NYX: variants seen among roughly 807,000 people sequenced by gnomAD.
NYX encodes nyctalopin.
For missense variants in NYX, 481 were observed against 485.4 expected (o/e 0.99, Z 0.09); for synonymous variants, 258 against 245.7 (o/e 1.05, Z -0.47).
chrX:41,470,313 C>T (rs2807168), intron 2 of NYX, among the ~76,000 whole-genome samples: 32,031 of 110,061 alleles, frequency 0.29, 3,749 homozygotes, highest in East Asian at 0.44. Flanking sequence ...CATTAAAAAA[C>T]GTAAAAAGAA....
At chrX:41,472,464 C>T in intron 2 of NYX, 1 of 904,585 alleles carries the variant, frequency 1.1e-6, no homozygotes, top group Non-Finnish European at 1.6e-6. Context: ...AGGTAACGAT[C>T]CCGAAGGGCG....
chrX:41,473,437 T>C (rs2064370381), intron 2 of NYX, 54 bp from the exon 3 acceptor site: 2 of 934,671 alleles, frequency 2.1e-6, no homozygotes, highest in African/African-American at 4.2e-5. Context: ...TGACGGTTGC[T>C]CCTTTTTTCT....
intron 2 of NYX, among the ~76,000 whole-genome samples, chrX:41,458,735 G>A: frequency 9.5e-6 from 1 of 105,045 alleles, no homozygotes; most frequent in East Asian, 3.1e-4. Context: ...CCAAAGTGCT[G>A]GGATTACAGG....
chrX:41,473,295 G>A (rs2064369378), intron 2 of NYX, among the ~76,000 whole-genome samples, 196 bp from the exon 3 acceptor site: 1 of 110,891 alleles, frequency 9.0e-6, no homozygotes, highest in African/African-American at 3.3e-5. Context: ...AGGAGCGGGT[G>A]TCTTAGGTGG....
intron 2 of NYX, chrX:41,472,636 G>A: frequency 6.5e-6 from 3 of 463,291 alleles, no homozygotes; most frequent in Non-Finnish European, 1.1e-5. Flanking sequence ...GCACAGGAAA[G>A]GTCACTGGAG....
At chrX:41,473,080 G>A (rs1405987614) in intron 2 of NYX, among the ~76,000 whole-genome samples, 1 of 112,165 alleles carries the variant, frequency 8.9e-6, no homozygotes, top group Non-Finnish European at 1.9e-5. Flanking sequence ...TTACAGGCGT[G>A]AGCCACTGCG....
chrX:41,455,627 T>C (rs1198178845), intron 2 of NYX, among the ~76,000 whole-genome samples: 1 of 110,291 alleles, frequency 9.1e-6, no homozygotes. Flanking sequence ...TTATTTCTCA[T>C]CTTCCCCTCC....
rs758241490 is a variant in NYX, at chrX:41,474,499, A to T, written c.1031A>T (p.Asp344Val). 13 of 1,206,291 alleles carry T rather than the reference A, an allele frequency of 1.1e-5. No homozygotes were observed. The African/African-American group carries it at 1.9e-4, about 18-fold the overall frequency. ...GACTGCCGTCTGGAGTGGCTGAGGGACTGGATGGAGGGCTCCGGACGTGTC... is the reference window on the plus strand; with the variant it reads ...GACTGCCGTCTGGAGTGGCTGAGGGTCTGGATGGAGGGCTCCGGACGTGTC... Reference protein sequence around the residue: ...CCDCRLEWLRDWMEGSGRVTD... With the variant: ...CCDCRLEWLRVWMEGSGRVTD... Residue 344 changes from aspartate to valine, a missense_variant, in exon 3 of 3, where the codon GAC becomes GTC. Transcript: ENST00000378220.
chrX:41,454,503 G>A (rs2064292562), intron 2 of NYX, among the ~76,000 whole-genome samples: 1 of 110,714 alleles, frequency 9.0e-6, no homozygotes, highest in Non-Finnish European at 1.9e-5. Context: ...CAGTAGAGAC[G>A]GGGTTCACCA....
In NYX at chrX:41,473,851, C is replaced by A. The variant is rs1209590371; in HGVS notation, c.383C>A (p.Ala128Glu). 1 of 1,101,819 alleles carries A rather than the reference C, an allele frequency of 9.1e-7. No homozygotes were observed. The highest frequency in any genetic ancestry group is 2.1e-5 in the South Asian group (1 of 46,667). The allele number at this position is 1,101,819 out of a possible 1,213,427, so 90.8% of individuals were successfully genotyped here. Residue 128 changes from alanine (A) to glutamate (E), a missense_variant, in exon 3 of 3, where the codon GCG becomes GAG. By Grantham distance (107) the Ala-to-Glu change is moderately radical. Transcript: ENST00000378220. ...TACCTGCACGCGCGCACCTTCGCGGCGCTCAGCCGCCTGCGCCGCCTAGAC... is the reference window on the plus strand; with the variant it reads ...TACCTGCACGCGCGCACCTTCGCGGAGCTCAGCCGCCTGCGCCGCCTAGAC... ...LRYLHARTFA[A>E]LSRLRRLDLA...
Position 41,472,589 on chromosome X carries a change from C to G in NYX, c.23-902C>G, listed in dbSNP as rs752736529. 2.0e-4 allele frequency: 98 copies of G among 501,242 alleles called. 1 individual carries two copies. The South Asian group carries it at 2.8e-3, about 14-fold the overall frequency. 41.3% of individuals were successfully genotyped at this position (501,242 alleles called of 1,213,427 possible). A position where few individuals can be genotyped will look rare whatever the true frequency, so the allele number is the denominator to read the frequency against. ...GCGTCCATCAGGGGCAAAGCCACGG[C>G]TGAGACCATCAGGGCCTCGGGGCAG... On this transcript the variant is annotated intron_variant, in intron 2 of 2. Transcript: ENST00000378220.
At chrX:41,466,402 C>T (rs994484384) in intron 2 of NYX, among the ~76,000 whole-genome samples, 3 of 108,775 alleles carry the variant, frequency 2.8e-5, no homozygotes, top group Non-Finnish European at 3.8e-5. Context: ...GCCTGGGCAA[C>T]GGAGAGAAGA....
intron 2 of NYX, among the ~76,000 whole-genome samples, chrX:41,460,802 C>T (rs1291335718): frequency 9.3e-6 from 1 of 107,444 alleles, no homozygotes; most frequent in African/African-American, 3.4e-5. Context: ...CCCCAGGCAA[C>T]CCCTGATCTT....
In NYX at chrX:41,456,306, G is replaced by A. The variant is rs73207678; in HGVS notation, c.22+8380G>A. 5.9e-3 allele frequency among the ~76,000 whole-genome samples: 663 copies of A among 111,487 alleles called. 2 individuals carry two copies. The highest frequency in any genetic ancestry group is 9.9e-3 in the Non-Finnish European group (526 of 53,021). The stretch of plus-strand genomic sequence containing the variant: ...AGCTGAGATCCTGCCATTGCATCAC[G>A]TGGTTCTTCAGGAAAAGGAGGAGAG... On this transcript the variant is annotated intron_variant, in intron 2 of 2. Transcript: ENST00000378220.
At chrX:41,469,030 A>G (rs2064350297) in intron 2 of NYX, among the ~76,000 whole-genome samples, 1 of 111,255 alleles carries the variant, frequency 9.0e-6, no homozygotes, top group Non-Finnish European at 1.9e-5. Context: ...CCTCAACATC[A>G]GAATGTTGAA....
chrX:41,460,137 T>C (rs1244209332), intron 2 of NYX, among the ~76,000 whole-genome samples: 1 of 109,881 alleles, frequency 9.1e-6, no homozygotes, highest in Non-Finnish European at 1.9e-5. Flanking sequence ...CACCTTTTCA[T>C]GTGCTTAATG....
At chrX:41,454,398 C>A (rs975897915) in intron 2 of NYX, among the ~76,000 whole-genome samples, 1 of 110,470 alleles carries the variant, frequency 9.1e-6, no homozygotes, top group Admixed American at 9.7e-5. Flanking sequence ...CTGCAACCTC[C>A]GCCTCCCGGG....
chrX:41,469,641 G>C (rs2064352107), intron 2 of NYX, among the ~76,000 whole-genome samples: 2 of 108,385 alleles, frequency 1.8e-5, no homozygotes, highest in Admixed American at 1.0e-4. Context: ...TTGCCTCCTG[G>C]GTTCAAGCAA....
At chrX:41,470,944 C>T (rs1333363563) in intron 2 of NYX, among the ~76,000 whole-genome samples, 1 of 110,361 alleles carries the variant, frequency 9.1e-6, no homozygotes, top group African/African-American at 3.3e-5. Context: ...TAGTGTTCCC[C>T]GACCAAACTG....
Sources: gnomAD v4.1 joint callset for allele counts (sites outside exome capture counted in the v4.1 genomes callset) on GRCh38, gnomAD v4.1.1 for gene constraint, MANE v1.5 for transcripts, NCBI Gene and HGNC (gene_info 2026-07-23, HGNC 2026-07-21) for gene names.